NBPF6: variants seen among roughly 807,000 people sequenced by gnomAD.
The protein encoded by NBPF6 is NBPF member 6.
NBPF6 carries 2 observed loss-of-function variants against 20.8 expected under a neutral mutation model. That is an observed-to-expected ratio of 0.10 (90% CI 0.04 to 0.30). The LOEUF (loss-of-function observed/expected upper bound fraction) is 0.30. NBPF6 is among the 10% of genes least tolerant of loss of function. The pLI is 1.00. For synonymous variants in NBPF6, 24 were observed against 100.0 expected, an observed-to-expected ratio of 0.24 and a Z score of 4.53; for missense variants, 85 against 260.3, an observed-to-expected ratio of 0.33 and a Z score of 4.63.
At chr1:108,465,133 G>T (rs200044795) in intron 12 of NBPF6, 55 bp from the exon 13 acceptor site, 6 of 652,826 alleles carry the variant, frequency 9.2e-6, no homozygotes, top group African/African-American at 3.2e-5. Flanking sequence ...GTTCTGGGAT[G>T]ACTTAACAAA....
chr1:108,448,403 G>C (rs1652694305), upstream of NBPF6, among the ~76,000 whole-genome samples: 1 of 149,382 alleles, frequency 6.7e-6, no homozygotes, highest in African/African-American at 2.4e-5. Flanking sequence ...TATTTCTCTT[G>C]TATATTCCAA....
intron 3 of NBPF6, among the ~76,000 whole-genome samples, chr1:108,452,648 G>A (rs950979729): frequency 1.5e-5 from 1 of 68,604 alleles, no homozygotes; most frequent in Admixed American, 1.5e-4. Context: ...TTGACTGACT[G>A]TGGCGTTTCA....
intron 3 of NBPF6, among the ~76,000 whole-genome samples, chr1:108,452,793 T>G (rs1652910678): frequency 1.3e-5 from 1 of 76,160 alleles, no homozygotes; most frequent in African/African-American, 4.3e-5. Flanking sequence ...GCTATGTGAA[T>G]TTTCACATAG....
upstream of NBPF6, among the ~76,000 whole-genome samples, chr1:108,448,247 G>A (rs1474031787): frequency 2.2e-4 from 32 of 145,608 alleles, no homozygotes; most frequent in African/African-American, 4.8e-4. Context: ...AGCAAAGGCT[G>A]TAAATTTATC....
chr1:108,449,444 A>C (rs76917407), upstream of NBPF6, among the ~76,000 whole-genome samples: 47 of 13,510 alleles, frequency 3.5e-3, no homozygotes, highest in African/African-American at 4.5e-3. Flanking sequence ...ATATATATAT[A>C]TATATATATA....
chr1:108,451,371 T>C (rs1226618121), intron 2 of NBPF6, among the ~76,000 whole-genome samples: 2 of 47,164 alleles, frequency 4.2e-5, no homozygotes, highest in African/African-American at 8.7e-5. Context: ...CTCTTATTCC[T>C]GAAGAGGAAG....
Position 108,470,677 on chromosome 1 carries a change from A to T in NBPF6, c.*39A>T. 6.6e-7 allele frequency: 1 copy of T among 1,519,564 alleles called. No homozygotes were observed. Among genetic ancestry groups the T allele is most frequent in the Non-Finnish European group, 8.9e-7 (1 of 1,123,690 alleles). 94.1% of individuals were successfully genotyped at this position (1,519,564 alleles called of 1,614,324 possible). A position where few individuals can be genotyped will look rare whatever the true frequency, so the allele number is the denominator to read the frequency against. On this transcript the variant is annotated 3_prime_UTR_variant, in exon 15 of 15. Transcript: ENST00000495380. ...AAAGCAGCTTTTCCACTTGATAAAA[A>T]CAACTAAAACAGCAAAGCAAGTTTA...
At chr1:108,448,177 C>T (rs141758896), upstream of NBPF6, among the ~76,000 whole-genome samples, 7 of 145,886 alleles carry the variant, frequency 4.8e-5, 1 homozygote, top group East Asian at 1.4e-3. Flanking sequence ...GGAAAGCATG[C>T]CTCTCAGCAG....
chr1:108,436,012 GA>G, the NBPF6 span, among the ~76,000 whole-genome samples: 1 of 101,918 alleles, frequency 9.8e-6, no homozygotes, highest in Non-Finnish European at 2.4e-5. Flanking sequence ...AATGCATAGG[GA>G]TAAATCTGAC....
the NBPF6 span, among the ~76,000 whole-genome samples, chr1:108,440,247 C>T: frequency 1.2e-4 from 2 of 16,968 alleles, no homozygotes; most frequent in African/African-American, 1.5e-4. Context: ...CCACTGCACT[C>T]CAGCCTGGGC....
chr1:108,449,045 G>A (rs1652729349), upstream of NBPF6, among the ~76,000 whole-genome samples: 2 of 25,796 alleles, frequency 7.8e-5, 1 homozygote, highest in African/African-American at 1.3e-4. Context: ...AGGATGGTGC[G>A]GGCTGCTGAG....
chr1:108,449,438 A>C (rs1222300940), upstream of NBPF6, among the ~76,000 whole-genome samples: 18 of 12,344 alleles, frequency 1.5e-3, no homozygotes, highest in African/African-American at 2.0e-3. Flanking sequence ...ATATATATAT[A>C]TATATATATA....
the NBPF6 span, among the ~76,000 whole-genome samples, chr1:108,434,696 G>T: frequency 3.7e-5 from 3 of 80,664 alleles, no homozygotes; most frequent in African/African-American, 1.1e-4. Context: ...TCACTGTGTT[G>T]TCCAGGCTCA....
chr1:108,446,508 C>T (rs1235279446), upstream of NBPF6, among the ~76,000 whole-genome samples: 1 of 13,744 alleles, frequency 7.3e-5, no homozygotes, highest in African/African-American at 1.3e-4. Flanking sequence ...GATGACAGAA[C>T]GAGAACCTGT....
Position 108,465,355 on chromosome 1 carries a change from C to G in NBPF6, c.1591C>G (p.Arg531Gly). 2 of 1,071,376 alleles carry G rather than the reference C, an allele frequency of 1.9e-6. No individual in the cohort carries two copies. Among genetic ancestry groups the G allele is most frequent in the Non-Finnish European group, 2.6e-6 (2 of 781,292 alleles). 66.4% of individuals were successfully genotyped at this position (1,071,376 alleles called of 1,614,324 possible). Residue 531 changes from arginine (R) to glycine (G), a missense_variant, in exon 13 of 15, where the codon CGG (arginine) becomes GGG (glycine). This residue lies in a region of NBPF6 where 43 missense variants were observed against 97.3 expected (regional missense o/e 0.44). Coordinates refer to ENST00000495380, the MANE Select transcript of NBPF6 (RefSeq NM_001143988.2). ...CCACTGTGGGAACGGCTTGGCCCAG[C>G]GGGGCCTTTCCTCCACCACCTGCAG... ...GFHCGNGLAQ[R>G]GLSSTTCSFS...
At chr1:108,468,043 C>G (rs1472762179) in intron 14 of NBPF6, among the ~76,000 whole-genome samples, 2 of 151,188 alleles carry the variant, frequency 1.3e-5, no homozygotes, top group Admixed American at 1.3e-4. Context: ...AACTCCATTG[C>G]CTCTTTGTGT....
chr1:108,469,644 G>A (rs1378178882), intron 14 of NBPF6, among the ~76,000 whole-genome samples: 9 of 139,976 alleles, frequency 6.4e-5, no homozygotes, highest in African/African-American at 2.2e-4. Flanking sequence ...TAGATATTGA[G>A]AATATTTCTA....
In NBPF6 at chr1:108,471,765, A is replaced by C. The variant is rs1334987100; in HGVS notation, c.*1127A>C. On this transcript the variant is annotated 3_prime_UTR_variant, in exon 15 of 15. Coordinates refer to ENST00000495380, the MANE Select transcript of NBPF6 (RefSeq NM_001143988.2). Reference sequence around the variant, plus strand: ...TTAGTCCATTAAAGTTAAAATGTTAAAGTTTTAAATCACTTTAATTAAATT... The same window carrying C: ...TTAGTCCATTAAAGTTAAAATGTTACAGTTTTAAATCACTTTAATTAAATT... Among the ~76,000 whole-genome samples, 1 of 152,194 alleles carries C rather than the reference A, an allele frequency of 6.6e-6. No individual in the cohort carries two copies. The highest frequency in any genetic ancestry group is 1.5e-5 in the Non-Finnish European group (1 of 68,038).
chr1:108,448,508 G>A (rs1652704797), upstream of NBPF6, among the ~76,000 whole-genome samples: 1 of 135,780 alleles, frequency 7.4e-6, no homozygotes, highest in South Asian at 2.3e-4. Flanking sequence ...TGCTGAAGGA[G>A]GGCACACCTC....
Sources: gnomAD v4.1 joint callset for allele counts (sites outside exome capture counted in the v4.1 genomes callset) on GRCh38, gnomAD v4.1.1 for gene constraint, gnomAD v4.1.1 regional missense constraint, MANE v1.5 for transcripts, NCBI Gene and HGNC (gene_info 2026-07-23, HGNC 2026-07-21) for gene names.